MPP7: variants seen among roughly 807,000 people sequenced by gnomAD.
The protein encoded by MPP7 is MAGUK p55 subfamily member 7.
A neutral mutation model predicts 76.5 loss-of-function variants in MPP7; 60 were observed. That is an observed-to-expected ratio of 0.78 (90% CI 0.64 to 0.97). MPP7 has a LOEUF of 0.97. MPP7 is among the 50% of genes least tolerant of loss of function. The probability of loss-of-function intolerance (pLI) is 0.00; values close to 1 mark genes in which losing one functional copy is unlikely to be tolerated. For synonymous variants in MPP7, 237 were observed against 244.5 expected (o/e 0.97, Z 0.29); for missense variants, 641 against 694.0 (o/e 0.92, Z 0.86).
chr10:28,064,291 G>GA (rs1851906872), intron 13 of MPP7, among the ~76,000 whole-genome samples: 1 of 152,184 alleles, frequency 6.6e-6, no homozygotes, highest in South Asian at 2.1e-4. Context: ...ATTGATGTAG[G>GA]AGACAACATG....
intron 1 of MPP7, among the ~76,000 whole-genome samples, chr10:28,279,455 G>C (rs1328620133): frequency 6.6e-6 from 1 of 152,004 alleles, no homozygotes; most frequent in Non-Finnish European, 1.5e-5. Flanking sequence ...TCGGACAGGC[G>C]CAGTGGCTCA....
In MPP7 at chr10:28,101,324, A is replaced by T. The variant is rs558677339; in HGVS notation, c.953-11483T>A. ...TTAATTTGCATGACATTCTTTAATAAAATGATTGAATATTGAATAAATGGA... is the reference window on the plus strand; with the variant it reads ...TTAATTTGCATGACATTCTTTAATATAATGATTGAATATTGAATAAATGGA... On this transcript the variant is annotated intron_variant, in intron 11 of 16. Transcript: ENST00000683449. Among the ~76,000 whole-genome samples, 3 of 152,282 alleles carry T rather than the reference A, an allele frequency of 2.0e-5. No homozygotes were observed. The South Asian group carries it at 6.2e-4, about 32-fold the overall frequency.
intron 13 of MPP7, among the ~76,000 whole-genome samples, chr10:28,068,340 G>GAAAACTAT (rs1338190195): frequency 1.3e-5 from 2 of 151,694 alleles, no homozygotes; most frequent in Non-Finnish European, 2.9e-5. Flanking sequence ...TGAGGTCACA[G>GAAAACTAT]AAAACTATAA....
At chr10:28,142,183 T>C (rs948298059) in intron 5 of MPP7, among the ~76,000 whole-genome samples, 7 of 152,182 alleles carry the variant, frequency 4.6e-5, no homozygotes, top group Non-Finnish European at 1.0e-4. Flanking sequence ...AATTCTACTA[T>C]ATAAAAGTAC....
intron 12 of MPP7, among the ~76,000 whole-genome samples, chr10:28,073,422 T>C (rs1340607336): frequency 6.6e-6 from 1 of 152,178 alleles, no homozygotes; most frequent in Non-Finnish European, 1.5e-5. Flanking sequence ...GTTGCAACCA[T>C]GCTTGACATT....
At chr10:28,132,886 C>A (rs549568694) in intron 5 of MPP7, among the ~76,000 whole-genome samples, 1,659 of 111,962 alleles carry the variant, frequency 0.015, 10 homozygotes, top group Non-Finnish European at 0.025. Flanking sequence ...GCATGAGCCA[C>A]TGCACCTAGT....
chr10:28,141,211 A>G (rs565460756), intron 5 of MPP7, among the ~76,000 whole-genome samples: 2 of 152,160 alleles, frequency 1.3e-5, no homozygotes, highest in East Asian at 3.9e-4. Context: ...ATTTTTTTTA[A>G]ATGAGACAAC....
intron 1 of MPP7, among the ~76,000 whole-genome samples, chr10:28,244,830 C>A (rs376996965): frequency 6.6e-6 from 1 of 152,080 alleles, no homozygotes; most frequent in Non-Finnish European, 1.5e-5. Context: ...AGTGCGGGCT[C>A]GGGAAGGCAC....
chr10:28,306,311 C>T (rs921835272), upstream of MPP7, among the ~76,000 whole-genome samples: 6 of 152,172 alleles, frequency 3.9e-5, no homozygotes, highest in Admixed American at 1.3e-4. Context: ...TTCAAAGCCA[C>T]TGAAAAGCTA....
chr10:28,220,789 A>C (rs1838476538), intron 2 of MPP7, among the ~76,000 whole-genome samples: 1 of 152,126 alleles, frequency 6.6e-6, no homozygotes, highest in South Asian at 2.1e-4. Context: ...AACAGAGATA[A>C]AGAATGAGTA....
intron 1 of MPP7, among the ~76,000 whole-genome samples, chr10:28,246,492 C>A (rs1160846849): frequency 6.6e-6 from 1 of 152,076 alleles, no homozygotes; most frequent in Non-Finnish European, 1.5e-5. Context: ...CAACATGAAA[C>A]CACATGAAAA....
intron 1 of MPP7, among the ~76,000 whole-genome samples, chr10:28,297,533 T>C (rs1841062416): frequency 6.6e-6 from 1 of 152,180 alleles, no homozygotes; most frequent in African/African-American, 2.4e-5. Context: ...ACCCCATCTC[T>C]ACTAAAATAT....
intron 1 of MPP7, among the ~76,000 whole-genome samples, chr10:28,299,968 C>T (rs991367699): frequency 1.3e-5 from 2 of 151,918 alleles, no homozygotes; most frequent in Non-Finnish European, 2.9e-5. Flanking sequence ...AGGGTTTCAC[C>T]GTGTTAGCCA....
chr10:28,157,507 C>A (rs1836106963), intron 3 of MPP7, among the ~76,000 whole-genome samples: 1 of 152,214 alleles, frequency 6.6e-6, no homozygotes, highest in Non-Finnish European at 1.5e-5. Context: ...ACCCAGCAAC[C>A]ATAAACTGGT....
chr10:28,158,557 C>A (rs1836147862), intron 3 of MPP7, among the ~76,000 whole-genome samples: 1 of 152,166 alleles, frequency 6.6e-6, no homozygotes. Context: ...AGGCAGCAGA[C>A]TAGCTGATTT....
At chr10:28,082,926 G>C (rs1052257751) in intron 12 of MPP7, among the ~76,000 whole-genome samples, 1 of 152,126 alleles carries the variant, frequency 6.6e-6, no homozygotes, top group Non-Finnish European at 1.5e-5. Context: ...ACCATACTAG[G>C]TGCATGAATT....
chr10:28,235,015 G>C (rs940038498), intron 2 of MPP7, among the ~76,000 whole-genome samples: 1 of 152,272 alleles, frequency 6.6e-6, no homozygotes, highest in East Asian at 1.9e-4. Context: ...TCACCACGTT[G>C]CCCAGACTGG....
At chr10:28,228,536 T>C (rs550795667) in intron 2 of MPP7, among the ~76,000 whole-genome samples, 1 of 152,182 alleles carries the variant, frequency 6.6e-6, no homozygotes, top group African/African-American at 2.4e-5. Flanking sequence ...GAGGCCAAGG[T>C]GGGCAAATCA....
chr10:28,236,354 C>T (rs562098851), intron 2 of MPP7, among the ~76,000 whole-genome samples: 15 of 152,056 alleles, frequency 9.9e-5, no homozygotes, highest in African/African-American at 3.4e-4. Context: ...GATAAACGTG[C>T]GTAAACACAC....
Sources: allele counts gnomAD v4.1 joint callset (sites outside exome capture counted in the v4.1 genomes callset), GRCh38; gene constraint gnomAD v4.1.1; transcripts MANE v1.5; gene names NCBI Gene and HGNC (gene_info 2026-07-23, HGNC 2026-07-21).